Variants in ADAMTSL1 observed in about 807,000 individuals in gnomAD.
ADAMTSL1 encodes ADAMTS-like protein 1.
A neutral mutation model predicts 201.8 loss-of-function variants in ADAMTSL1; 126 were observed. The ratio of observed to expected loss-of-function variants is 0.62; its 90% CI spans 0.54 to 0.72. The LOEUF is 0.72. Ranked by LOEUF, ADAMTSL1 falls within the 30% of genes least tolerant of loss-of-function variation. The probability of loss-of-function intolerance (pLI) is 0.00; values close to 1 mark genes in which losing one functional copy is unlikely to be tolerated. For synonymous variants in ADAMTSL1, 1,121 were observed against 903.4 expected, an observed-to-expected ratio of 1.24 and a Z score of -4.32; for missense variants, 2,679 against 2,277.8, an observed-to-expected ratio of 1.18 and a Z score of -3.59.
intron 1 of ADAMTSL1, among the ~76,000 whole-genome samples, chr9:18,480,563 G>T (rs1041449374): frequency 2.6e-5 from 4 of 152,184 alleles, no homozygotes; most frequent in Non-Finnish European, 4.4e-5. Context: ...AAACTTTGTT[G>T]TGTGAAAACC....
At chr9:18,490,687 G>A (rs1822227607) in intron 1 of ADAMTSL1, among the ~76,000 whole-genome samples, 1 of 152,134 alleles carries the variant, frequency 6.6e-6, no homozygotes, top group Non-Finnish European at 1.5e-5. Flanking sequence ...GTCCAGATGA[G>A]TAAGAAAAGG....
intron 4 of ADAMTSL1, among the ~76,000 whole-genome samples, chr9:18,601,443 C>G (rs933280603): frequency 6.6e-6 from 1 of 152,200 alleles, no homozygotes; most frequent in Non-Finnish European, 1.5e-5. Flanking sequence ...TAATCATATT[C>G]TGACTCTTTC....
chr9:18,685,023 G>A (rs754668998), intron 13 of ADAMTSL1: 8 of 1,266,234 alleles, frequency 6.3e-6, no homozygotes, highest in Non-Finnish European at 8.0e-6. Context: ...GAAAATGAAG[G>A]TGTAGTGCTT....
At chr9:17,906,719 G>T (rs892445670) in exon 1 of ADAMTSL1, 6 of 152,850 alleles carry the variant, frequency 3.9e-5, no homozygotes, top group Non-Finnish European at 7.3e-5. Context: ...TGGGGCGCAC[G>T]CCCGAGCCCG....
chr9:18,555,093 TA>T (rs1464802419), intron 3 of ADAMTSL1, among the ~76,000 whole-genome samples: 1 of 151,964 alleles, frequency 6.6e-6, no homozygotes, highest in East Asian at 1.9e-4. Flanking sequence ...TGGTGTTTTT[TA>T]GGAGCTGAGT....
rs1833327493 is a variant in ADAMTSL1 at position 18,292,826 on chromosome 9, A to G, written c.207+128845A>G. On this transcript the variant is annotated intron_variant, in intron 2 of 29. Coordinates refer to the ADAMTSL1 transcript ENST00000680146. The stretch of plus-strand genomic sequence containing the variant: ...GTTTTGGGACTGAGACTGATCCACC[A>G]CTAGCTTCCTTGTTCCTCAACTTGC... Among the ~76,000 whole-genome samples, 3 of 152,284 alleles carry G rather than the reference A, an allele frequency of 2.0e-5. No individual in the cohort carries two copies. The South Asian group carries it at 6.2e-4, about 32-fold the overall frequency.
intron 2 of ADAMTSL1, among the ~76,000 whole-genome samples, chr9:18,304,044 G>C (rs923812268): frequency 1.3e-5 from 2 of 152,082 alleles, no homozygotes; most frequent in Non-Finnish European, 2.9e-5. Context: ...GCCTGTGGGG[G>C]ATGTAAATCT....
intron 2 of ADAMTSL1, among the ~76,000 whole-genome samples, chr9:18,261,049 A>G (rs1229214143): frequency 1.2e-4 from 12 of 102,458 alleles, no homozygotes; most frequent in Non-Finnish European, 2.0e-4. Context: ...CAGAAAGAGA[A>G]TGTGTTTCCT....
intron 4 of ADAMTSL1, among the ~76,000 whole-genome samples, chr9:18,575,690 G>C (rs1822669873): frequency 6.6e-6 from 1 of 152,138 alleles, no homozygotes; most frequent in Non-Finnish European, 1.5e-5. Flanking sequence ...TATACTGTTT[G>C]AGTAAAAGCA....
At chr9:18,359,833 C>CCT (rs1563911500) in intron 2 of ADAMTSL1, among the ~76,000 whole-genome samples, 1 of 118,842 alleles carries the variant, frequency 8.4e-6, no homozygotes. Context: ...ACCCGCCCCC[C>CCT]CGCCCACACA....
intron 9 of ADAMTSL1, among the ~76,000 whole-genome samples, chr9:18,670,860 A>G (rs1564136182): frequency 6.6e-6 from 1 of 151,956 alleles, no homozygotes; most frequent in African/African-American, 2.4e-5. Flanking sequence ...TGGTTCCAGG[A>G]CCCACCCCAC....
At chr9:18,636,828 T>C (rs774695627) in intron 6 of ADAMTSL1, among the ~76,000 whole-genome samples, 7 of 152,182 alleles carry the variant, frequency 4.6e-5, no homozygotes, top group Non-Finnish European at 1.0e-4. Flanking sequence ...TCACTTCAGT[T>C]GGTTCCTTGA....
chr9:18,896,618 G>A (rs1829653067), intron 26 of ADAMTSL1, among the ~76,000 whole-genome samples: 2 of 152,270 alleles, frequency 1.3e-5, no homozygotes. Flanking sequence ...GCCCACCTGG[G>A]AGCAGCACAG....
rs117558542 is a variant in ADAMTSL1 at position 18,776,973 on chromosome 9, G to T, written c.2744G>T (p.Gly915Val). ...CCCCTCATCACCTGGGAGAAGGACG[G>T]CCAGCACCTCATCAGCTCGACGCAC... ...RKPLITWEKD[G>V]QHLISSTHVT... Residue 915 changes from glycine (G) to valine (V), a missense_variant, in exon 19 of 29, where the codon GGC (glycine) becomes GTC (valine). Coordinates refer to ENST00000380548, the MANE Select transcript of ADAMTSL1 (RefSeq NM_001040272.6). 2 of 1,598,818 alleles carry T rather than the reference G, an allele frequency of 1.3e-6. No individual in the cohort carries two copies. The highest frequency in any genetic ancestry group is 1.7e-6 in the Non-Finnish European group (2 of 1,171,136).
chr9:18,094,395 T>G (rs888270787), intron 1 of ADAMTSL1, among the ~76,000 whole-genome samples: 6 of 152,220 alleles, frequency 3.9e-5, no homozygotes, highest in Non-Finnish European at 8.8e-5. Flanking sequence ...TTCTCAGTTA[T>G]GTGTGTAGTA....
At chr9:18,752,621 A>G (rs1819529557) in intron 15 of ADAMTSL1, among the ~76,000 whole-genome samples, 1 of 152,184 alleles carries the variant, frequency 6.6e-6, no homozygotes, top group African/African-American at 2.4e-5. Context: ...GCCCTTTGGA[A>G]ATGGCCAGTT....
chr9:18,118,596 C>T (rs1348495123), intron 1 of ADAMTSL1, among the ~76,000 whole-genome samples: 1 of 152,092 alleles, frequency 6.6e-6, no homozygotes, highest in African/African-American at 2.4e-5. Context: ...GACTTTGGAA[C>T]TCAGAGGCAG....
intron 2 of ADAMTSL1, among the ~76,000 whole-genome samples, chr9:18,222,757 C>T (rs1293855911): frequency 6.7e-6 from 1 of 148,562 alleles, no homozygotes; most frequent in East Asian, 2.0e-4. Flanking sequence ...GTATAGAAAA[C>T]TCTTACCATA....
intron 26 of ADAMTSL1, among the ~76,000 whole-genome samples, chr9:18,893,040 T>G (rs1829389854): frequency 6.6e-6 from 1 of 151,692 alleles, no homozygotes; most frequent in African/African-American, 2.4e-5. Context: ...AAGTTGAAGC[T>G]ACCGCTCAAT....
Sources: allele counts gnomAD v4.1 joint callset (sites outside exome capture counted in the v4.1 genomes callset), GRCh38; gene constraint gnomAD v4.1.1; transcripts MANE v1.5; gene names NCBI Gene and HGNC (gene_info 2026-07-23, HGNC 2026-07-21).